Variants in ST6GAL1 observed in about 807,000 individuals in gnomAD.
ST6GAL1 encodes ST6 beta-galactoside alpha-2,6-sialyltransferase 1.
ST6GAL1 carries 20 observed loss-of-function variants against 38.0 expected under a neutral mutation model. The observed-to-expected ratio is 0.53, with a 90% confidence interval of 0.37 to 0.77. ST6GAL1 has a LOEUF of 0.77. Ranked by LOEUF, ST6GAL1 falls within the 30% of genes least tolerant of loss-of-function variation. The pLI is 0.00. For missense variants in ST6GAL1, 432 were observed against 496.4 expected, an observed-to-expected ratio of 0.87 and a Z score of 1.23; for synonymous variants, 196 against 188.2, an observed-to-expected ratio of 1.04 and a Z score of -0.34.
intron 2 of ST6GAL1, among the ~76,000 whole-genome samples, chr3:186,970,215 CTT>C (rs34302492): frequency 1.2e-3 from 164 of 132,776 alleles, no homozygotes; most frequent in Middle Eastern, 3.7e-3. Context: ...TTTTCTTTTT[CTT>C]TTTTTTTTTT....
At chr3:187,073,186 C>T (rs1180460319) in intron 6 of ST6GAL1, among the ~76,000 whole-genome samples, 1 of 152,202 alleles carries the variant, frequency 6.6e-6, no homozygotes, top group African/African-American at 2.4e-5. Context: ...ATAGTATTTA[C>T]TGGGATAGTG....
intron 1 of ST6GAL1, among the ~76,000 whole-genome samples, chr3:186,942,825 G>A (rs894850834): frequency 6.6e-6 from 1 of 152,116 alleles, no homozygotes; most frequent in African/African-American, 2.4e-5. Context: ...GAAAGGGCTA[G>A]AAACTCATCT....
chr3:187,038,197 C>CTT (rs1185371884), intron 2 of ST6GAL1, among the ~76,000 whole-genome samples: 6 of 88,598 alleles, frequency 6.8e-5, no homozygotes, highest in Non-Finnish European at 8.5e-5. Context: ...AAGTCTATTT[C>CTT]TTTTTTTTTT....
chr3:187,057,255 C>T (rs1224655876), intron 5 of ST6GAL1, among the ~76,000 whole-genome samples: 1 of 152,148 alleles, frequency 6.6e-6, no homozygotes, highest in Non-Finnish European at 1.5e-5. Context: ...GAACATCCTC[C>T]TTTAGCTTGG....
chr3:186,958,438 A>G (rs533993604), intron 1 of ST6GAL1, among the ~76,000 whole-genome samples: 9 of 152,196 alleles, frequency 5.9e-5, no homozygotes, highest in Admixed American at 4.6e-4. Flanking sequence ...CTTATTTTCT[A>G]TAATAGGAAG....
chr3:186,957,155 A>AAAAT (rs1427295660), intron 1 of ST6GAL1, among the ~76,000 whole-genome samples: 3 of 152,200 alleles, frequency 2.0e-5, no homozygotes, highest in Admixed American at 2.0e-4. Flanking sequence ...AGAAAGAAAG[A>AAAAT]AAATGTGCTG....
In ST6GAL1 at chr3:187,076,612, T is replaced by C; in HGVS notation, c.*809T>C. Reference sequence around the variant, plus strand: ...CCCAGGAGGGCCACGCACTTAAAACTGTGTTTGTGGATCAGAGAAGGCTTT... The same window carrying C: ...CCCAGGAGGGCCACGCACTTAAAACCGTGTTTGTGGATCAGAGAAGGCTTT... On this transcript the variant is annotated 3_prime_UTR_variant, in exon 8 of 8. Coordinates refer to ENST00000169298, the MANE Select transcript of ST6GAL1 (RefSeq NM_173216.2). 1 of 386,552 alleles carries C rather than the reference T, an allele frequency of 2.6e-6. No homozygotes were observed. The highest frequency in any genetic ancestry group is 3.7e-5 in the East Asian group (1 of 27,160). The allele number at this position is 386,552 out of a possible 1,614,324, so 23.9% of individuals were successfully genotyped here.
At position 187,036,915 on chromosome 3, in the gene ST6GAL1, C is replaced by G. The variant is rs1024063614; in HGVS notation, c.-182-1827C>G. ...AATTAAAATTATTTTTTAAAAAAAC[C>G]CTTTTCTTCTTTGTGTGCGTATTGC... On this transcript the variant is annotated intron_variant, in intron 2 of 7. Coordinates refer to ENST00000169298, the MANE Select transcript of ST6GAL1 (RefSeq NM_173216.2). Among the ~76,000 whole-genome samples the G allele has an allele frequency of 2.0e-5, 3 of 152,060 alleles. No homozygotes were observed. The South Asian group carries it at 6.2e-4, about 32-fold the overall frequency.
chr3:186,935,946 C>A (rs924955539), intron 1 of ST6GAL1, among the ~76,000 whole-genome samples: 2 of 151,848 alleles, frequency 1.3e-5, no homozygotes, highest in African/African-American at 4.8e-5. Flanking sequence ...TATCTCAAGT[C>A]ATTCTATTTA....
At chr3:187,050,238 G>A (rs1394479984) in intron 4 of ST6GAL1, among the ~76,000 whole-genome samples, 1 of 152,178 alleles carries the variant, frequency 6.6e-6, no homozygotes, top group African/African-American at 2.4e-5. Context: ...AGAGGATTCA[G>A]CTGACCCCCA....
intron 3 of ST6GAL1, among the ~76,000 whole-genome samples, chr3:187,039,162 G>A (rs1718040142): frequency 6.6e-6 from 1 of 152,116 alleles, no homozygotes; most frequent in Non-Finnish European, 1.5e-5. Flanking sequence ...AATGCAACTG[G>A]TACTGAGTAT....
chr3:186,931,658 A>G (rs568098959), intron 1 of ST6GAL1, among the ~76,000 whole-genome samples: 37 of 152,180 alleles, frequency 2.4e-4, no homozygotes, highest in African/African-American at 8.9e-4. Context: ...CTGTGGGGAT[A>G]TTTTGGTCGC....
chr3:187,077,757 C>CACACCTCGGCTGCAT lies in ST6GAL1; in HGVS notation c.*1955_*1969dup, dbSNP rs1281141404. The stretch of plus-strand genomic sequence containing the variant: ...CTTTAGTAGGGACCTGCTCTGTGCT[C>CACACCTCGGCTGCAT]ACACCTCGGCTGCATGCACCCTGCT... On this transcript the variant is annotated 3_prime_UTR_variant, in exon 8 of 8. Coordinates refer to ENST00000169298, the MANE Select transcript of ST6GAL1 (RefSeq NM_173216.2). The CACACCTCGGCTGCAT allele has an allele frequency of 6.6e-6, 1 of 152,372 alleles. No individual in the cohort carries two copies. The highest frequency in any genetic ancestry group is 1.5e-5 in the Non-Finnish European group (1 of 68,162). 9.4% of individuals were successfully genotyped at this position (152,372 alleles called of 1,614,324 possible).
intron 2 of ST6GAL1, among the ~76,000 whole-genome samples, chr3:187,012,170 C>T (rs531763841): frequency 6.2e-4 from 94 of 152,336 alleles, no homozygotes; most frequent in South Asian, 2.5e-3. Context: ...AAAACAGAAA[C>T]GGGAACTGTG....
intron 2 of ST6GAL1, among the ~76,000 whole-genome samples, chr3:186,971,282 G>T (rs1282180114): frequency 1.3e-5 from 2 of 152,188 alleles, no homozygotes; most frequent in Non-Finnish European, 2.9e-5. Context: ...GTAGAGACGG[G>T]GTTTTGCCAT....
chr3:186,990,230 C>T (rs1322719740), intron 2 of ST6GAL1, among the ~76,000 whole-genome samples: 1 of 152,150 alleles, frequency 6.6e-6, no homozygotes, highest in Non-Finnish European at 1.5e-5. Context: ...GACAGGGTTT[C>T]ACCATATTGG....
At chr3:187,053,246 G>T in intron 5 of ST6GAL1, among the ~76,000 whole-genome samples, 1 of 152,050 alleles carries the variant, frequency 6.6e-6, no homozygotes. Context: ...CATTCTTTAG[G>T]TTGGCTGTTC....
intron 2 of ST6GAL1, among the ~76,000 whole-genome samples, chr3:186,978,705 C>T (rs541675434): frequency 1.3e-5 from 2 of 152,302 alleles, no homozygotes; most frequent in Admixed American, 6.5e-5. Flanking sequence ...CTTAGAAAAC[C>T]TCCACCAGTC....
At chr3:187,022,319 G>C (rs1717347519) in intron 2 of ST6GAL1, among the ~76,000 whole-genome samples, 1 of 152,162 alleles carries the variant, frequency 6.6e-6, no homozygotes, top group African/African-American at 2.4e-5. Flanking sequence ...GAGAGCAGAG[G>C]AAAGATGGCT....
Sources: allele counts gnomAD v4.1 joint callset (sites outside exome capture counted in the v4.1 genomes callset), GRCh38; gene constraint gnomAD v4.1.1; transcripts MANE v1.5; gene names NCBI Gene and HGNC (gene_info 2026-07-23, HGNC 2026-07-21).